Variants in SLIT3 observed in about 807,000 individuals in gnomAD.
The protein encoded by SLIT3 is slit homolog 3 protein.
SLIT3 carries 68 observed loss-of-function variants against 184.0 expected under a neutral mutation model. The observed-to-expected ratio is 0.37, with a 90% CI of 0.30 to 0.45. The LOEUF (loss-of-function observed/expected upper bound fraction) is 0.45. Among genes scored for constraint, SLIT3 ranks in the 20% least tolerant of loss-of-function variants. SLIT3 has a pLI of 1.00. For missense variants in SLIT3, 1,707 were observed against 2,026.0 expected (o/e 0.84, Z 3.02); for synonymous variants, 831 against 828.6 (o/e 1.00, Z -0.05).
chr5:169,079,181 C>T (rs1040221627), intron 4 of SLIT3, among the ~76,000 whole-genome samples: 1 of 152,144 alleles, frequency 6.6e-6, no homozygotes, highest in African/African-American at 2.4e-5. Context: ...CCTTTTCTAT[C>T]TGGGAGAAAA....
chr5:169,081,459 C>A (rs1029654245), intron 4 of SLIT3, among the ~76,000 whole-genome samples: 2 of 152,142 alleles, frequency 1.3e-5, no homozygotes, highest in Non-Finnish European at 2.9e-5. Context: ...AACTCCTGGC[C>A]ATTTTGCTGA....
At chr5:169,140,923 A>G (rs1178977428) in intron 4 of SLIT3, among the ~76,000 whole-genome samples, 1 of 152,178 alleles carries the variant, frequency 6.6e-6, no homozygotes, top group Non-Finnish European at 1.5e-5. Context: ...CCATCACCCT[A>G]CAGTAGAACC....
intron 4 of SLIT3, among the ~76,000 whole-genome samples, chr5:168,958,781 G>A (rs1013135447): frequency 6.6e-5 from 10 of 152,250 alleles, no homozygotes; most frequent in Non-Finnish European, 1.5e-4. Flanking sequence ...GGTGGAAGAA[G>A]GTGTCATGTG....
intron 6 of SLIT3, among the ~76,000 whole-genome samples, chr5:168,832,406 C>A (rs1757909561): frequency 6.6e-6 from 1 of 152,210 alleles, no homozygotes; most frequent in Non-Finnish European, 1.5e-5. Context: ...GAGAGCAAGT[C>A]TGTTTCATGT....
At chr5:168,828,536 G>A (rs185859563) in intron 6 of SLIT3, among the ~76,000 whole-genome samples, 2 of 151,682 alleles carry the variant, frequency 1.3e-5, no homozygotes, top group African/African-American at 2.4e-5. Context: ...GGTGAGCAAC[G>A]GCAGTCCCAG....
At chr5:168,841,777 A>G (rs564349848) in intron 6 of SLIT3, among the ~76,000 whole-genome samples, 1 of 152,120 alleles carries the variant, frequency 6.6e-6, no homozygotes, top group Non-Finnish European at 1.5e-5. Flanking sequence ...ACATCCATAC[A>G]CTTTCCTTAA....
intron 28 of SLIT3, among the ~76,000 whole-genome samples, chr5:168,694,170 G>T (rs1253622629): frequency 6.6e-6 from 1 of 152,132 alleles, no homozygotes; most frequent in Non-Finnish European, 1.5e-5. Context: ...CTCAACTGCG[G>T]CAGGAAACCA....
intron 2 of SLIT3, among the ~76,000 whole-genome samples, chr5:169,249,181 G>A (rs1200468449): frequency 6.6e-6 from 1 of 152,156 alleles, no homozygotes; most frequent in African/African-American, 2.4e-5. Flanking sequence ...TAGTTAGAAA[G>A]CATTTCAGCT....
intron 26 of SLIT3, among the ~76,000 whole-genome samples, chr5:168,705,328 G>T (rs73322474): frequency 0.019 from 2,951 of 152,124 alleles, 98 homozygotes; most frequent in African/African-American, 0.067. Context: ...GTATTCTAGG[G>T]CTCTGATGAG....
At chr5:168,683,897 A>T (rs1385427011) in intron 32 of SLIT3, 69 bp downstream of exon 32, 1 of 1,352,882 alleles carries the variant, frequency 7.4e-7, no homozygotes, top group Non-Finnish European at 9.7e-7. Context: ...CCCCCTTCTG[A>T]GTTGCAGGCC....
At chr5:168,876,948 T>A (rs963609376) in intron 5 of SLIT3, among the ~76,000 whole-genome samples, 6 of 152,218 alleles carry the variant, frequency 3.9e-5, no homozygotes, top group Admixed American at 3.3e-4. Context: ...TTTAACAATG[T>A]GTATGATTTC....
At chr5:168,953,176 T>A (rs1216069679) in intron 4 of SLIT3, among the ~76,000 whole-genome samples, 1 of 152,182 alleles carries the variant, frequency 6.6e-6, no homozygotes, top group Non-Finnish European at 1.5e-5. Flanking sequence ...GGATCCTGAC[T>A]AGAGTTTGGT....
intron 4 of SLIT3, among the ~76,000 whole-genome samples, chr5:168,964,393 A>G (rs1318839526): frequency 6.6e-6 from 1 of 152,232 alleles, no homozygotes; most frequent in Non-Finnish European, 1.5e-5. Flanking sequence ...GGGAGATAAG[A>G]GAGAGGCAGA....
chr5:168,741,004 C>T (rs1218843484), intron 20 of SLIT3, among the ~76,000 whole-genome samples: 2 of 152,156 alleles, frequency 1.3e-5, no homozygotes, highest in South Asian at 2.1e-4. Context: ...GCTCACTGCA[C>T]GTGGGGGCAT....
rs551692273 is a variant in SLIT3, at chr5:168,740,771, C to A, written c.2270+7531G>T. On this transcript the variant is annotated intron_variant, in intron 20 of 35. Transcript: ENST00000519560. Reference sequence around the variant, plus strand: ...CAAATCAGAAAATCAGGTCTCCTCCCAAAGTGCTGAAGTTTACTTTATAAT... The same window carrying A: ...CAAATCAGAAAATCAGGTCTCCTCCAAAAGTGCTGAAGTTTACTTTATAAT... Among the ~76,000 whole-genome samples, 30 of 152,358 alleles carry A rather than the reference C, an allele frequency of 2.0e-4. No individual in the cohort carries two copies. In the East Asian group the frequency reaches 5.8e-3, roughly 29 times the overall value.
intron 11 of SLIT3, among the ~76,000 whole-genome samples, chr5:168,786,926 A>G: frequency 6.6e-6 from 1 of 152,200 alleles, no homozygotes; most frequent in South Asian, 2.1e-4. Context: ...AGTCCTCTCC[A>G]GAGCCCTGAA....
intron 34 of SLIT3, 93 bp from the exon 35 acceptor site, chr5:168,670,084 CG>C: frequency 1.0e-6 from 1 of 1,004,532 alleles, no homozygotes; most frequent in South Asian, 1.4e-5. Flanking sequence ...CCAGGGGACC[CG>C]GAGCTGAGTA....
rs141664762 is a variant in SLIT3 at position 168,776,210 on chromosome 5, G to A, written c.1152-1832C>T. On this transcript the variant is annotated intron_variant, in intron 12 of 35. Transcript: ENST00000519560. ...CTGCCCATGGTGCTAAATCATCCAT[G>A]CCACCTCTCCCTTAGCTGCGGGCCT... Among the ~76,000 whole-genome samples the A allele has an allele frequency of 3.3e-4, 50 of 152,246 alleles. No individual in the cohort carries two copies. In the East Asian group the frequency reaches 6.4e-3, roughly 19 times the overall value.
chr5:168,971,259 G>C (rs1254638871), intron 4 of SLIT3, among the ~76,000 whole-genome samples: 3 of 152,226 alleles, frequency 2.0e-5, no homozygotes, highest in African/African-American at 4.8e-5. Flanking sequence ...CACTGTGACA[G>C]ACCAGTTGTC....
Sources: allele counts gnomAD v4.1 joint callset (sites outside exome capture counted in the v4.1 genomes callset), GRCh38; gene constraint gnomAD v4.1.1; transcripts MANE v1.5; gene names NCBI Gene and HGNC (gene_info 2026-07-23, HGNC 2026-07-21).